Variants in ATP13A4 observed in about 807,000 individuals in gnomAD.
The protein encoded by ATP13A4 is probable cation-transporting ATPase 13A4.
Under a neutral mutation model 142.5 loss-of-function variants are expected in ATP13A4, and 114 were observed. That is an observed-to-expected ratio of 0.80 (90% confidence interval 0.69 to 0.93). The LOEUF (loss-of-function observed/expected upper bound fraction) is 0.93, where lower values mean the gene tolerates loss of function less well. ATP13A4 is among the 40% of genes least tolerant of loss of function. ATP13A4 has a pLI of 0.00. For synonymous variants in ATP13A4, 488 were observed against 514.8 expected, an observed-to-expected ratio of 0.95 and a Z score of 0.70; for missense variants, 1,392 against 1,454.0, an observed-to-expected ratio of 0.96 and a Z score of 0.69.
intron 1 of ATP13A4, among the ~76,000 whole-genome samples, chr3:193,540,058 T>C (rs1029843277): frequency 3.9e-5 from 6 of 152,120 alleles, no homozygotes; most frequent in South Asian, 2.1e-4. Flanking sequence ...AGTACTACCA[T>C]TGTGACCACA....
intron 7 of ATP13A4, among the ~76,000 whole-genome samples, chr3:193,485,762 C>A (rs922357323): frequency 6.6e-6 from 1 of 151,908 alleles, no homozygotes; most frequent in African/African-American, 2.4e-5. Flanking sequence ...AGAAGAGACC[C>A]AGGAGAGACG....
chr3:193,505,391 G>A (rs1439087791), intron 2 of ATP13A4, among the ~76,000 whole-genome samples: 1 of 152,086 alleles, frequency 6.6e-6, no homozygotes, highest in African/African-American at 2.4e-5. Context: ...CCAACTAACT[G>A]TATGCCTTAG....
At chr3:193,460,264 T>C (rs757538201) in intron 13 of ATP13A4, among the ~76,000 whole-genome samples, 6 of 152,238 alleles carry the variant, frequency 3.9e-5, no homozygotes, top group Non-Finnish European at 7.3e-5. Flanking sequence ...TATTCTTCTT[T>C]TTTGGAAAAG....
chr3:193,538,551 TATC>T (rs2108711746), intron 1 of ATP13A4, among the ~76,000 whole-genome samples: 1 of 144,266 alleles, frequency 6.9e-6, no homozygotes, highest in African/African-American at 2.6e-5. Context: ...AGCTTGTAAA[TATC>T]TATTGACTTC....
intron 7 of ATP13A4, 37 bp from the exon 8 acceptor site, chr3:193,484,042 T>C (rs1719462255): frequency 6.6e-7 from 1 of 1,518,884 alleles, no homozygotes. Flanking sequence ...TCTTATCTAT[T>C]TGAGCATAGT....
chr3:193,467,918 C>T (rs1368142484), intron 9 of ATP13A4, among the ~76,000 whole-genome samples: 2 of 152,044 alleles, frequency 1.3e-5, no homozygotes, highest in Non-Finnish European at 2.9e-5. Flanking sequence ...GTGGCTCATG[C>T]CTGTAATCCC....
chr3:193,521,094 A>G (rs1357379153), intron 1 of ATP13A4, among the ~76,000 whole-genome samples: 4 of 152,192 alleles, frequency 2.6e-5, no homozygotes, highest in Admixed American at 2.6e-4. Context: ...TAAAGTCTTT[A>G]AAGTATCTTT....
Position 193,407,261 on chromosome 3 carries a change from C to A in ATP13A4, c.3378+52G>T, listed in dbSNP as rs1032811672. ...TCAGAGTCCCAAAGAAGTCCCCCTA[C>A]ACACATGCGTGCACACACACAAGAT... is the stretch of plus-strand genomic sequence containing the variant. On this transcript the variant is annotated intron_variant, in intron 29 of 29. Coordinates refer to ENST00000342695, the MANE Select transcript of ATP13A4 (RefSeq NM_032279.4). 4 of 1,509,570 alleles carry A rather than the reference C, an allele frequency of 2.6e-6. No individual in the cohort carries two copies. The African/African-American group carries it at 5.5e-5, about 21-fold the overall frequency. The allele number at this position is 1,509,570 out of a possible 1,614,324, so 93.5% of individuals were successfully genotyped here.
At chr3:193,454,356 C>A (rs1165381762) in intron 16 of ATP13A4, 144 bp from the exon 17 acceptor site, 3 of 697,336 alleles carry the variant, frequency 4.3e-6, no homozygotes, top group Non-Finnish European at 7.8e-6. Context: ...AAATTCTAAA[C>A]ATAACTACAT....
intron 25 of ATP13A4, among the ~76,000 whole-genome samples, chr3:193,416,266 G>A (rs2108606388): frequency 6.6e-6 from 1 of 152,220 alleles, no homozygotes; most frequent in Middle Eastern, 3.4e-3. Flanking sequence ...CCTAAAATAG[G>A]AGAAGAATCT....
chr3:193,430,223 T>C (rs1366245362), intron 25 of ATP13A4, among the ~76,000 whole-genome samples: 1 of 152,028 alleles, frequency 6.6e-6, no homozygotes, highest in African/African-American at 2.4e-5. Context: ...AAAACTGGGA[T>C]GGATGAAAGT....
chr3:193,491,214 C>CA, intron 6 of ATP13A4, 115 bp downstream of exon 6: 1 of 849,022 alleles, frequency 1.2e-6, no homozygotes. Flanking sequence ...GGCATACTTT[C>CA]AAAATATACT....
intron 3 of ATP13A4, among the ~76,000 whole-genome samples, chr3:193,494,714 G>T (rs561925219): frequency 6.6e-6 from 1 of 151,736 alleles, no homozygotes; most frequent in Non-Finnish European, 1.5e-5. Flanking sequence ...GCACCTCAGG[G>T]AAAATGAGAA....
intron 2 of ATP13A4, among the ~76,000 whole-genome samples, chr3:193,513,601 G>A (rs886485799): frequency 1.3e-5 from 2 of 152,218 alleles, no homozygotes; most frequent in Non-Finnish European, 2.9e-5. Flanking sequence ...CTTCCTTTGA[G>A]AAGCTGACAG....
chr3:193,414,865 C>A, intron 25 of ATP13A4, 115 bp from the exon 26 acceptor site: 1 of 966,538 alleles, frequency 1.0e-6, no homozygotes, highest in Non-Finnish European at 1.6e-6. Flanking sequence ...AACTGGAGTA[C>A]ATCACAAACT....
chr3:193,442,323 C>A lies in ATP13A4; in HGVS notation c.2316+70G>T. On this transcript the variant is annotated intron_variant, in intron 19 of 29. Coordinates refer to ENST00000342695, the MANE Select transcript of ATP13A4 (RefSeq NM_032279.4). ...TTGGAAGCATATGTTGACTCTAGGT[C>A]AAAGCTGCTCAGTCACCAACACTGC... 3 of 1,514,066 alleles carry A rather than the reference C, an allele frequency of 2.0e-6. No individual in the cohort carries two copies. The South Asian group carries it at 3.4e-5, about 17-fold the overall frequency. The allele number at this position is 1,514,066 out of a possible 1,614,324, so 93.8% of individuals were successfully genotyped here. A position where few individuals can be genotyped will look rare whatever the true frequency, so the allele number is the denominator to read the frequency against.
At chr3:193,549,425 T>TAC (rs751418894) in intron 1 of ATP13A4, among the ~76,000 whole-genome samples, 4,021 of 146,674 alleles carry the variant, frequency 0.027, 59 homozygotes, top group East Asian at 0.034. Context: ...CAAATATATA[T>TAC]ATATATATAG....
chr3:193,413,732 G>A (rs1714899682), intron 26 of ATP13A4, among the ~76,000 whole-genome samples: 1 of 152,168 alleles, frequency 6.6e-6, no homozygotes, highest in Non-Finnish European at 1.5e-5. Flanking sequence ...CCACCCTGGT[G>A]AATTTGAGGT....
chr3:193,485,632 T>C (rs1036243756), intron 7 of ATP13A4, among the ~76,000 whole-genome samples: 13 of 152,196 alleles, frequency 8.5e-5, no homozygotes, highest in African/African-American at 3.1e-4. Flanking sequence ...TTTAAAAGAC[T>C]GCCACAGTCT....
Sources: allele counts gnomAD v4.1 joint callset (sites outside exome capture counted in the v4.1 genomes callset), GRCh38; gene constraint gnomAD v4.1.1; transcripts MANE v1.5; gene names NCBI Gene and HGNC (gene_info 2026-07-23, HGNC 2026-07-21).